LPO: variants seen among roughly 807,000 people sequenced by gnomAD.
The protein encoded by LPO is salivary peroxidase.
Under a neutral mutation model 68.4 loss-of-function variants are expected in LPO, and 70 were observed. The observed-to-expected ratio is 1.02, with a 90% confidence interval of 0.84 to 1.25. The LOEUF is 1.25. LPO is among the 50% of genes most tolerant of loss of function. The pLI is 0.00. For synonymous variants in LPO, 360 were observed against 357.6 expected, an observed-to-expected ratio of 1.01 and a Z score of -0.08; for missense variants, 873 against 908.4, an observed-to-expected ratio of 0.96 and a Z score of 0.50.
chr17:58,247,554 A>G lies in LPO; in HGVS notation c.241A>G (p.Thr81Ala). 6.2e-7 allele frequency: 1 copy of G among 1,614,182 alleles called. No homozygotes were observed. ...SEYLKHAKGR[T>A]RTAIRNGQVW... Reference sequence around the variant, plus strand: ...ATACCTCAAGCATGCCAAAGGCCGGACGCGCACAGCCATCCGCAATGGACA... The same window carrying G: ...ATACCTCAAGCATGCCAAAGGCCGGGCGCGCACAGCCATCCGCAATGGACA... The change falls in exon 4 of 13, where the codon ACG becomes GCG. Residue 81 changes from threonine to alanine, a missense_variant. Physicochemically the swap from Thr to Ala is moderately conservative, Grantham distance 58. Transcript: ENST00000262290.
Position 58,267,485 on chromosome 17 carries a change from G to A in LPO, c.1830G>A (p.Trp610Ter). 1 of 1,614,246 alleles carries A rather than the reference G, an allele frequency of 6.2e-7. No homozygotes were observed. The highest frequency in any genetic ancestry group is 8.5e-7 in the Non-Finnish European group (1 of 1,180,036). ...LYGTPDNIDIWIGAIAEPLVE... is the reference protein window; with the variant it reads ...LYGTPDNIDI ...GGACCCCTGACAACATCGACATCTGGATAGGGGCCATTGCTGAGCCGCTGG... is the reference window on the plus strand; with the variant it reads ...GGACCCCTGACAACATCGACATCTGAATAGGGGCCATTGCTGAGCCGCTGG... The change falls in exon 12 of 13, where the codon TGG (tryptophan) becomes TGA (stop). Residue 610 changes from tryptophan to a stop codon, truncating the protein, a stop_gained. Coordinates refer to ENST00000262290, the MANE Select transcript of LPO (RefSeq NM_006151.3). LOFTEE classifies it high-confidence loss of function.
chr17:58,267,296 G>A, intron 11 of LPO, 53 bp from the exon 12 acceptor site: 1 of 1,438,076 alleles, frequency 7.0e-7, no homozygotes, highest in Middle Eastern at 1.7e-4. Flanking sequence ...CCCCAAAGGA[G>A]GCTGTGAACA....
At chr17:58,265,177 G>T (rs1970240700) in intron 10 of LPO, among the ~76,000 whole-genome samples, 1 of 152,202 alleles carries the variant, frequency 6.6e-6, no homozygotes, top group Admixed American at 6.5e-5. Flanking sequence ...AACATTAAAT[G>T]AGATATACAT....
intron 3 of LPO, among the ~76,000 whole-genome samples, chr17:58,246,722 C>T (rs781362452): frequency 1.9e-4 from 29 of 152,158 alleles, no homozygotes; most frequent in Non-Finnish European, 2.6e-4. Flanking sequence ...CTCTGGGACC[C>T]GGCTGATGGA....
chr17:58,253,228 C>A (rs893045152), intron 8 of LPO, among the ~76,000 whole-genome samples: 3 of 152,076 alleles, frequency 2.0e-5, no homozygotes, highest in African/African-American at 7.2e-5. Context: ...GATGTCTTCA[C>A]TTAATTTACT....
At chr17:58,257,387 T>C (rs1387861789) in intron 9 of LPO, among the ~76,000 whole-genome samples, 3 of 152,248 alleles carry the variant, frequency 2.0e-5, no homozygotes, top group African/African-American at 7.2e-5. Flanking sequence ...AGTGAGAACA[T>C]GCCATGTTTG....
At chr17:58,242,947 G>T (rs1431280344) in intron 1 of LPO, 31 bp from the exon 2 acceptor site, 1 of 1,601,796 alleles carries the variant, frequency 6.2e-7, no homozygotes, top group Non-Finnish European at 8.6e-7. Flanking sequence ...CTCTAGAGAG[G>T]CTCACAGTGT....
rs1970230301 is a variant in LPO at position 58,264,808 on chromosome 17, T to C, written c.1353T>C (p.Ser451=). ...CCCCATATCAAGGCTACAGTGAATC[T>C]GTGGATCCCAGAATTTCCAATGTCT... ...WIPPYQGYSE[S]VDPRISNVFT... is the part of the protein sequence containing the mutation. The change falls in exon 10 of 13, where the codon TCT becomes TCC. Residue 451 remains serine (S), a synonymous_variant. Coordinates refer to ENST00000262290, the MANE Select transcript of LPO (RefSeq NM_006151.3). The C allele has an allele frequency of 6.2e-7, 1 of 1,614,270 alleles. No homozygotes were observed. The highest frequency in any genetic ancestry group is 8.5e-7 in the Non-Finnish European group (1 of 1,180,042).
intron 3 of LPO, chr17:58,244,398 G>A (rs1969816043): frequency 2.8e-6 from 1 of 353,342 alleles, no homozygotes; most frequent in Admixed American, 4.4e-5. Flanking sequence ...AAGCCTCTCA[G>A]TAAAAGTTCT....
At position 58,260,204 on chromosome 17, in the gene LPO, AT is replaced by A. The variant is rs970631259; in HGVS notation, c.1267-4511del. 9.7e-4 allele frequency among the ~76,000 whole-genome samples: 147 copies of A among 152,266 alleles called. 1 individual carries two copies. Among genetic ancestry groups the A allele is most frequent in the African/African-American group, 3.4e-3 (142 of 41,544 alleles). Reference sequence around the variant, plus strand: ...TTATCAGTGTATGAAAATATAATTGATTTTTTTATGTGTTGATTTTGTATCC... The same window carrying A: ...TTATCAGTGTATGAAAATATAATTGATTTTTTATGTGTTGATTTTGTATCC... On this transcript the variant is annotated intron_variant, in intron 9 of 12. Transcript: ENST00000262290.
At chr17:58,252,563 T>C in intron 8 of LPO, 57 bp downstream of exon 8, 1 of 1,505,928 alleles carries the variant, frequency 6.6e-7, no homozygotes, top group Non-Finnish European at 9.0e-7. Flanking sequence ...CCAGGGAAGC[T>C]TTACCACTGC....
intron 7 of LPO, chr17:58,251,526 A>G (rs556681626): frequency 4.5e-6 from 1 of 221,696 alleles, no homozygotes; most frequent in East Asian, 1.1e-4. Flanking sequence ...AGGAGCTTGC[A>G]GCAATGCATC....
chr17:58,262,848 G>C (rs1193212245), intron 9 of LPO, among the ~76,000 whole-genome samples: 1 of 152,170 alleles, frequency 6.6e-6, no homozygotes, highest in Non-Finnish European at 1.5e-5. Context: ...TCATCTTCTT[G>C]AATCTGTAAA....
At chr17:58,248,919 G>A in intron 4 of LPO, 141 bp from the exon 5 acceptor site, 1 of 723,304 alleles carries the variant, frequency 1.4e-6, no homozygotes. Context: ...GATTAATTGA[G>A]AAACCACTTG....
intron 9 of LPO, among the ~76,000 whole-genome samples, chr17:58,262,260 A>C (rs1970188666): frequency 6.6e-6 from 1 of 152,176 alleles, no homozygotes; most frequent in Admixed American, 6.5e-5. Context: ...TTATTCCTGA[A>C]GAATCGTTCC....
intron 3 of LPO, 33 bp downstream of exon 3, chr17:58,244,114 C>CAG (rs1969810641): frequency 7.3e-7 from 1 of 1,377,130 alleles, no homozygotes; most frequent in Admixed American, 1.7e-5. Context: ...CACACACACA[C>CAG]ACACACACAC....
At position 58,256,528 on chromosome 17, in the gene LPO, G is replaced by T. The variant is rs181631434; in HGVS notation, c.1266+1557G>T. Among the ~76,000 whole-genome samples, 7 of 151,882 alleles carry T rather than the reference G, an allele frequency of 4.6e-5. No individual in the cohort carries two copies. In the East Asian group the frequency reaches 5.8e-4, roughly 13 times the overall value. On this transcript the variant is annotated intron_variant, in intron 9 of 12. Transcript: ENST00000262290. ...AAATAAGCACATCGTGAAGAATGAG[G>T]TATCCTGCTGGGCACAGTGGCTCAT... is the stretch of plus-strand genomic sequence containing the variant.
intron 9 of LPO, among the ~76,000 whole-genome samples, chr17:58,259,890 C>T (rs1394034113): frequency 5.9e-5 from 9 of 152,136 alleles, no homozygotes; most frequent in South Asian, 2.1e-4. Context: ...GGCACGATCT[C>T]GGCTCACTGC....
At position 58,242,962 on chromosome 17, in the gene LPO, C is replaced by T; in HGVS notation, c.-2-16C>T. 4 of 1,612,764 alleles carry T rather than the reference C, an allele frequency of 2.5e-6. No individual in the cohort carries two copies. Among genetic ancestry groups the T allele is most frequent in the Admixed American group, 1.7e-5 (1 of 60,026 alleles). ...CTCTAGAGAGGCTCACAGTGTGATC[C>T]TGCATCTCGTTTCAGTGATGAGGGT... is the stretch of plus-strand genomic sequence containing the variant. On this transcript the variant is annotated splice_polypyrimidine_tract_variant and intron_variant, in intron 1 of 12. Transcript: ENST00000262290.
Sources: gnomAD v4.1 joint callset for allele counts (sites outside exome capture counted in the v4.1 genomes callset) on GRCh38, gnomAD v4.1.1 for gene constraint, MANE v1.5 for transcripts, NCBI Gene and HGNC (gene_info 2026-07-23, HGNC 2026-07-21) for gene names.